The following HSPG2 variants were observed in gnomAD, a reference collection of about 807,000 sequenced individuals.
HSPG2 encodes basement membrane-specific heparan sulfate proteoglycan core protein.
Under a neutral mutation model 526.6 loss-of-function variants are expected in HSPG2, and 278 were observed. The observed-to-expected ratio is 0.53, with a 90% confidence interval of 0.48 to 0.58. The LOEUF is 0.58. Ranked by LOEUF, HSPG2 falls within the 20% of genes least tolerant of loss-of-function variation. The probability of loss-of-function intolerance (pLI) is 0.00; values close to 1 mark genes in which losing one functional copy is unlikely to be tolerated. For missense variants in HSPG2, 5,354 were observed against 6,099.5 expected, an observed-to-expected ratio of 0.88 and a Z score of 4.07; for synonymous variants, 2,465 against 2,555.4, an observed-to-expected ratio of 0.96 and a Z score of 1.07.
rs934201111 is a variant in HSPG2 at position 21,875,591 on chromosome 1, C to G, written c.3302+38G>C. On this transcript the variant is annotated intron_variant, in intron 25 of 96. Coordinates refer to ENST00000374695, the MANE Select transcript of HSPG2 (RefSeq NM_005529.7). ...GCACCGCTTAGATGGAGCCCCTCCC[C>G]AAGCCCATGCTGGTCCTCCTGCCCC... 4 of 1,526,850 alleles carry G rather than the reference C, an allele frequency of 2.6e-6. No homozygotes were observed. In the African/African-American group the frequency reaches 5.4e-5, roughly 21 times the overall value. The allele number at this position is 1,526,850 out of a possible 1,614,324, so 94.6% of individuals were successfully genotyped here.
intron 33 of HSPG2, chr1:21,870,409 G>A: frequency 2.7e-6 from 1 of 373,332 alleles, no homozygotes; most frequent in Non-Finnish European, 3.3e-6. Context: ...ATGGTAGTCA[G>A]AAAGGCCCAC....
At chr1:21,906,731 T>TGGG (rs1553177636) in intron 1 of HSPG2, among the ~76,000 whole-genome samples, 1 of 50,706 alleles carries the variant, frequency 2.0e-5, no homozygotes, top group Admixed American at 1.8e-4. Flanking sequence ...GACTGGGGGG[T>TGGG]GGGGGGGGGT....
intron 1 of HSPG2, among the ~76,000 whole-genome samples, chr1:21,912,481 T>C (rs1337655230): frequency 6.6e-6 from 1 of 152,024 alleles, no homozygotes; most frequent in African/African-American, 2.4e-5. Context: ...TCCTGTACTG[T>C]CCAAGCTGGG....
intron 74 of HSPG2, among the ~76,000 whole-genome samples, chr1:21,838,400 G>A (rs1336170911): frequency 6.6e-6 from 1 of 152,204 alleles, no homozygotes; most frequent in Non-Finnish European, 1.5e-5. Flanking sequence ...GCTGGGGTGG[G>A]TGCTCCTGTC....
At chr1:21,860,293 G>A (rs1377499836) in intron 39 of HSPG2, 58 bp from the exon 40 acceptor site, 1 of 1,514,684 alleles carries the variant, frequency 6.6e-7, no homozygotes, top group African/African-American at 1.4e-5. Flanking sequence ...GTGCCTCATG[G>A]TGGACTTGGG....
intron 56 of HSPG2, 39 bp from the exon 57 acceptor site, chr1:21,850,231 G>A: frequency 6.2e-7 from 1 of 1,612,970 alleles, no homozygotes; most frequent in South Asian, 1.1e-5. Context: ...CCGGCTAGGA[G>A]GTGAGATGAG....
rs1641500729 is a variant in HSPG2, at chr1:21,881,417, G to A, written c.1740C>T (p.Phe580=). The A allele has an allele frequency of 6.2e-7, 1 of 1,614,000 alleles. No individual in the cohort carries two copies. The highest frequency in any genetic ancestry group is 1.3e-5 in the African/African-American group (1 of 74,936). The change falls in exon 14 of 97, where the codon TTC becomes TTT. Residue 580 remains phenylalanine (F), a synonymous_variant. Coordinates refer to ENST00000374695, the MANE Select transcript of HSPG2 (RefSeq NM_005529.7). Reference sequence around the variant, plus strand: ...AGCGGCGGGACAGGTCGACTAGCTGGAACTCGTGCAGGGATGGGTCGATCT... The same window carrying A: ...AGCGGCGGGACAGGTCGACTAGCTGAAACTCGTGCAGGGATGGGTCGATCT... ...QLQIDPSLHE[F]QLVDLSRRFL...
At chr1:21,857,532 A>C in intron 42 of HSPG2, 147 bp from the exon 43 acceptor site, 1 of 750,354 alleles carries the variant, frequency 1.3e-6, no homozygotes, top group Non-Finnish European at 2.3e-6. Flanking sequence ...TCCCTCCCCC[A>C]TTCTGGCTGA....
In HSPG2 at chr1:21,872,755, C is replaced by A; in HGVS notation, c.3894G>T (p.Gln1298His). 6.2e-7 allele frequency: 1 copy of A among 1,608,234 alleles called. No individual in the cohort carries two copies. Among genetic ancestry groups the A allele is most frequent in the Non-Finnish European group, 8.5e-7 (1 of 1,178,182 alleles). ...AGTGGCTGCAAGTGAGGCCTTCCAC[C>A]TGGGCCTGGGTAGACGGATGGAAGG... Reference protein sequence around the residue: ...DAAGQCQCKAQVEGLTCSHCR... With the variant: ...DAAGQCQCKAHVEGLTCSHCR... Residue 1298 changes from glutamine (Q) to histidine (H), a missense_variant, in exon 32 of 97, where the codon CAG becomes CAT. Transcript: ENST00000374695. This position sits in a 1 kb window ranked among gnomAD's most constrained non-coding sequence, Gnocchi z 5.5.
At chr1:21,845,998 G>A (rs781587497) in intron 64 of HSPG2, 110 bp downstream of exon 64, 50 of 1,314,648 alleles carry the variant, frequency 3.8e-5, no homozygotes, top group Admixed American at 2.5e-4. Context: ...GAATCAGAGC[G>A]GCAGTTCTCG....
intron 80 of HSPG2, chr1:21,833,055 G>A (rs1232965718): frequency 3.2e-6 from 2 of 629,000 alleles, no homozygotes; most frequent in African/African-American, 3.6e-5. Flanking sequence ...GAGGAGGCTG[G>A]AGATATCACA....
chr1:21,908,102 C>T (rs1462234475), intron 1 of HSPG2: 14 of 800,426 alleles, frequency 1.7e-5, no homozygotes, highest in Middle Eastern at 2.3e-4. Context: ...GCCAAAATGA[C>T]GAACACAAAG....
chr1:21,867,151 T>C (rs1640306635), intron 33 of HSPG2, among the ~76,000 whole-genome samples: 2 of 135,766 alleles, frequency 1.5e-5, no homozygotes, highest in Admixed American at 8.0e-5. Flanking sequence ...AGATGGGGTC[T>C]CCCTATGTTG....
chr1:21,850,029 C>A lies in HSPG2; in HGVS notation c.7446+12G>T. 6.2e-7 allele frequency: 1 copy of A among 1,612,594 alleles called. No individual in the cohort carries two copies. The highest frequency in any genetic ancestry group is 8.5e-7 in the Non-Finnish European group (1 of 1,179,990). ...CAGGGTCCTTCAGGCTTCCTGAGCT[C>A]CTGCCTCCTACCTGGTGCCGGGCCG... On this transcript the variant is annotated intron_variant, in intron 57 of 96. Coordinates refer to ENST00000374695, the MANE Select transcript of HSPG2 (RefSeq NM_005529.7).
In HSPG2 at chr1:21,839,680, A is replaced by G; in HGVS notation, c.9710-130T>C. On this transcript the variant is annotated intron_variant, in intron 72 of 96. Transcript: ENST00000374695. The surrounding 1 kb of genome is among the most constrained non-coding windows in gnomAD (Gnocchi z 4.5). ...GGGACCCCAGTTGGGTTCCTCGGCC[A>G]TCACTGGGGGATGCTAGCAACACGG... The G allele has an allele frequency of 2.9e-6, 4 of 1,383,312 alleles. No homozygotes were observed. The highest frequency in any genetic ancestry group is 4.0e-6 in the Non-Finnish European group (4 of 998,146). 85.7% of individuals were successfully genotyped at this position (1,383,312 alleles called of 1,614,324 possible). A position where few individuals can be genotyped will look rare whatever the true frequency, so the allele number is the denominator to read the frequency against.
intron 1 of HSPG2, chr1:21,908,085 G>A: frequency 1.3e-6 from 1 of 771,754 alleles, no homozygotes; most frequent in Non-Finnish European, 2.3e-6. Flanking sequence ...CCATCTTCCA[G>A]TAATTCGCCA....
In HSPG2 at chr1:21,869,525, A is replaced by G. The variant is rs911365206; in HGVS notation, c.4221+2661T>C. On this transcript the variant is annotated intron_variant, in intron 33 of 96. Coordinates refer to ENST00000374695, the MANE Select transcript of HSPG2 (RefSeq NM_005529.7). ...GAAGAGGAGGAGGAGGAGGAAGAAG[A>G]AGGAGGAGGTGCTGCTCGCAGAGCA... is the stretch of plus-strand genomic sequence containing the variant. 4.0e-6 allele frequency: 4 copies of G among 988,108 alleles called. No homozygotes were observed. In the African/African-American group the frequency reaches 5.2e-5, roughly 13 times the overall value. The allele number at this position is 988,108 out of a possible 1,614,324, so 61.2% of individuals were successfully genotyped here. A position where few individuals can be genotyped will look rare whatever the true frequency, so the allele number is the denominator to read the frequency against.
intron 43 of HSPG2, 43 bp downstream of exon 43, chr1:21,857,242 C>T (rs374314439): frequency 6.2e-7 from 1 of 1,613,822 alleles, no homozygotes; most frequent in African/African-American, 1.3e-5. Context: ...TCAGAGACCC[C>T]AGAAGACAGA....
rs1267594786 is a variant in HSPG2, at chr1:21,846,283, G to C, written c.8317-28C>G. On this transcript the variant is annotated intron_variant, in intron 63 of 96. Coordinates refer to ENST00000374695, the MANE Select transcript of HSPG2 (RefSeq NM_005529.7). ...GAATAGGGGACAGGACAGAGGAACAGAGTCAGGTGCCAGTCTGGAACTGTT... is the reference window on the plus strand; with the variant it reads ...GAATAGGGGACAGGACAGAGGAACACAGTCAGGTGCCAGTCTGGAACTGTT... The C allele has an allele frequency of 3.7e-6, 6 of 1,612,828 alleles. No homozygotes were observed. The Middle Eastern group carries it at 6.6e-4, about 178-fold the overall frequency.
Sources: gnomAD v4.1 joint callset for allele counts (sites outside exome capture counted in the v4.1 genomes callset) on GRCh38, gnomAD v4.1.1 for gene constraint, Gnocchi (gnomAD v3.1) non-coding constraint, MANE v1.5 for transcripts, NCBI Gene and HGNC (gene_info 2026-07-23, HGNC 2026-07-21) for gene names.